Variants in SPECC1 observed in about 807,000 individuals in gnomAD.
SPECC1 encodes cytospin-B.
A neutral mutation model predicts 104.1 loss-of-function variants in SPECC1; 62 were observed. That is an observed-to-expected ratio of 0.60 (90% CI 0.49 to 0.74). The LOEUF is 0.74. Ranked by LOEUF, SPECC1 falls within the 30% of genes least tolerant of loss-of-function variation. The pLI, the probability that SPECC1 is intolerant of heterozygous loss-of-function variation, is 0.00. For synonymous variants in SPECC1, 513 were observed against 501.6 expected, an observed-to-expected ratio of 1.02 and a Z score of -0.30; for missense variants, 1,306 against 1,310.5, an observed-to-expected ratio of 1.00 and a Z score of 0.05.
chr17:20,223,119 C>G (rs2037991037), intron 4 of SPECC1, among the ~76,000 whole-genome samples: 3 of 152,096 alleles, frequency 2.0e-5, no homozygotes, highest in Admixed American at 2.0e-4. Flanking sequence ...TTTGAATAAA[C>G]TTTCTACCCC....
chr17:20,023,372 C>G lies in SPECC1; in HGVS notation c.-22+13948C>G, dbSNP rs181576765. Among the ~76,000 whole-genome samples, 311 of 152,170 alleles carry G rather than the reference C, an allele frequency of 2.0e-3. 2 individuals are homozygous for G. Among genetic ancestry groups the G allele is most frequent in the Admixed American group, 4.1e-3 (63 of 15,276 alleles). ...TTTGCTAATGAATACATGGTAAGTACCTACTAGGTACTAGGTGCTGAGATT... is the reference window on the plus strand; with the variant it reads ...TTTGCTAATGAATACATGGTAAGTAGCTACTAGGTACTAGGTGCTGAGATT... On this transcript the variant is annotated intron_variant, in intron 1 of 14. Transcript: ENST00000395527.
At chr17:20,268,951 G>C (rs1047649350) in intron 12 of SPECC1, among the ~76,000 whole-genome samples, 1 of 152,204 alleles carries the variant, frequency 6.6e-6, no homozygotes, top group Non-Finnish European at 1.5e-5. Context: ...AAATATCAAA[G>C]TGTGTAGAGA....
intron 9 of SPECC1, among the ~76,000 whole-genome samples, chr17:20,249,556 C>T (rs2039546725): frequency 6.6e-6 from 1 of 152,060 alleles, no homozygotes; most frequent in Non-Finnish European, 1.5e-5. Flanking sequence ...GACCCTAAAA[C>T]AACTGAGATT....
chr17:20,137,893 C>T (rs1488270924), intron 3 of SPECC1, among the ~76,000 whole-genome samples: 1 of 151,980 alleles, frequency 6.6e-6, no homozygotes, highest in Non-Finnish European at 1.5e-5. Flanking sequence ...TCTCGAACTC[C>T]TGACCTCAAA....
chr17:20,238,564 T>C, intron 7 of SPECC1: 1 of 1,043,228 alleles, frequency 9.6e-7, no homozygotes, highest in Non-Finnish European at 1.2e-6. Context: ...TTTTGGGGTG[T>C]CAAACTGGAC....
chr17:20,041,431 G>A (rs1057057696), intron 1 of SPECC1, among the ~76,000 whole-genome samples: 4 of 151,718 alleles, frequency 2.6e-5, no homozygotes, highest in African/African-American at 9.7e-5. Flanking sequence ...TAGTAGAGAC[G>A]GGGTTTCTCC....
chr17:20,317,730 A>G lies in SPECC1; in HGVS notation c.*3665A>G, dbSNP rs1260855155. The G allele has an allele frequency of 4.6e-6, 1 of 217,032 alleles. No individual in the cohort carries two copies. Among genetic ancestry groups the G allele is most frequent in the Non-Finnish European group, 9.3e-6 (1 of 108,074 alleles). 13.4% of individuals were successfully genotyped at this position (217,032 alleles called of 1,614,324 possible). ...CAAAGAGCAAGACCCTGTCACACAC[A>G]CACACAAAAAAAAGAAATACAGGTG... is the stretch of plus-strand genomic sequence containing the variant. On this transcript the variant is annotated 3_prime_UTR_variant, in exon 15 of 15. Transcript: ENST00000395527.
At chr17:20,224,624 C>T (rs1034678730) in intron 4 of SPECC1, among the ~76,000 whole-genome samples, 6 of 152,096 alleles carry the variant, frequency 3.9e-5, no homozygotes, top group Admixed American at 6.5e-5. Flanking sequence ...CAGTGGCCAC[C>T]GCCACCCCAA....
At chr17:20,227,821 A>AGG (rs2038320474) in intron 5 of SPECC1, among the ~76,000 whole-genome samples, 1 of 152,212 alleles carries the variant, frequency 6.6e-6, no homozygotes, top group African/African-American at 2.4e-5. Flanking sequence ...AGGCTGAGGC[A>AGG]GGAGAATCAC....
chr17:20,156,468 G>T (rs1597835874), intron 3 of SPECC1, among the ~76,000 whole-genome samples: 1 of 152,176 alleles, frequency 6.6e-6, no homozygotes. Flanking sequence ...CGCCGGGGCC[G>T]CCGGGCAGGC....
At chr17:20,201,164 TA>T (rs1229398418) in intron 3 of SPECC1, among the ~76,000 whole-genome samples, 1 of 151,356 alleles carries the variant, frequency 6.6e-6, no homozygotes, top group Admixed American at 6.6e-5. Flanking sequence ...ATTGAAGGTT[TA>T]AAAAAAAGAA....
intron 3 of SPECC1, among the ~76,000 whole-genome samples, chr17:20,119,494 A>AGT (rs1301612785): frequency 6.6e-6 from 1 of 152,154 alleles, no homozygotes; most frequent in Admixed American, 6.5e-5. Flanking sequence ...AGCCTCCCAA[A>AGT]GTGCTGGGAT....
chr17:20,171,743 T>A (rs541914856), intron 3 of SPECC1, among the ~76,000 whole-genome samples: 1 of 152,034 alleles, frequency 6.6e-6, no homozygotes, highest in South Asian at 2.1e-4. Context: ...AGAGGTAGGG[T>A]CTTGCTGTAT....
In SPECC1 at chr17:20,247,165, A is replaced by G. The variant is rs77034665; in HGVS notation, c.2498-54A>G. ...GTAACAAGAAATCAGGAACAAGTAT[A>G]TGCTATTTTGAAGTGGAACAACATA... On this transcript the variant is annotated intron_variant, in intron 8 of 14. Coordinates refer to ENST00000395527, the MANE Select transcript of SPECC1 (RefSeq NM_001243439.2). The G allele has an allele frequency of 1.4e-3, 1,892 of 1,378,566 alleles. 15 individuals are homozygous for G. The African/African-American group carries it at 0.024, about 17-fold the overall frequency. The allele number at this position is 1,378,566 out of a possible 1,614,324, so 85.4% of individuals were successfully genotyped here.
chr17:20,045,254 A>G (rs972555380), intron 1 of SPECC1, among the ~76,000 whole-genome samples: 1 of 152,034 alleles, frequency 6.6e-6, no homozygotes, highest in African/African-American at 2.4e-5. Context: ...TTTTATGTCC[A>G]TCTGTGGACA....
intron 2 of SPECC1, among the ~76,000 whole-genome samples, chr17:20,109,822 CT>C (rs531563891): frequency 6.6e-6 from 1 of 152,036 alleles, no homozygotes; most frequent in East Asian, 1.9e-4. Context: ...GGTTCCCATT[CT>C]TTTTTTCCCC....
rs566836973 is a variant in SPECC1 at position 20,216,148 on chromosome 17, A to C, written c.1863+10236A>C. 1.6e-4 allele frequency among the ~76,000 whole-genome samples: 24 copies of C among 152,236 alleles called. 1 individual carries two copies. The South Asian group carries it at 4.6e-3, about 29-fold the overall frequency. ...TATCAAGTGGCTGAGACCAAACCCT[A>C]CCCTTGGTCAAACCATCACAAACAG... On this transcript the variant is annotated intron_variant, in intron 4 of 14. Coordinates refer to ENST00000395527, the MANE Select transcript of SPECC1 (RefSeq NM_001243439.2).
At chr17:20,283,681 A>G (rs2040850912) in intron 12 of SPECC1, among the ~76,000 whole-genome samples, 1 of 151,948 alleles carries the variant, frequency 6.6e-6, no homozygotes, top group Non-Finnish European at 1.5e-5. Flanking sequence ...CTGCCTCCTG[A>G]GCTCAAGCAG....
At chr17:20,207,491 C>T (rs1180607195) in intron 4 of SPECC1, among the ~76,000 whole-genome samples, 1 of 152,064 alleles carries the variant, frequency 6.6e-6, no homozygotes, top group Non-Finnish European at 1.5e-5. Context: ...CCATGTGCAC[C>T]TTCTTGAAGT....
Sources: allele counts gnomAD v4.1 joint callset (sites outside exome capture counted in the v4.1 genomes callset), GRCh38; gene constraint gnomAD v4.1.1; transcripts MANE v1.5; gene names NCBI Gene and HGNC (gene_info 2026-07-23, HGNC 2026-07-21).